DGLUCY: variants seen among roughly 807,000 people sequenced by gnomAD.
DGLUCY encodes the protein D-glutamate cyclase.
A neutral mutation model predicts 58.5 loss-of-function variants in DGLUCY; 58 were observed. The observed-to-expected ratio is 0.99, with a 90% CI of 0.80 to 1.23. The LOEUF (loss-of-function observed/expected upper bound fraction) is 1.23, where lower values mean the gene tolerates loss of function less well. Ranked by LOEUF, DGLUCY falls within the 50% of genes most tolerant of loss-of-function variation. The probability of loss-of-function intolerance (pLI) is 0.00; values close to 1 mark genes in which losing one functional copy is unlikely to be tolerated. For missense variants in DGLUCY, 779 were observed against 784.7 expected, an observed-to-expected ratio of 0.99 and a Z score of 0.09; for synonymous variants, 325 against 314.1, an observed-to-expected ratio of 1.03 and a Z score of -0.37.
chr14:91,160,925 G>T (rs533312307), intron 3 of DGLUCY, among the ~76,000 whole-genome samples: 27 of 152,316 alleles, frequency 1.8e-4, no homozygotes, highest in African/African-American at 5.8e-4. Flanking sequence ...GACTCGTCTG[G>T]TTATGGTATA....
At chr14:91,083,436 T>A (rs529598515) in intron 1 of DGLUCY, among the ~76,000 whole-genome samples, 1 of 150,466 alleles carries the variant, frequency 6.6e-6, no homozygotes, top group Admixed American at 6.7e-5. Flanking sequence ...GTGGGAGAAT[T>A]GCTGGAACCT....
chr14:91,102,022 G>A (rs1006642352), intron 1 of DGLUCY, among the ~76,000 whole-genome samples: 3 of 82,794 alleles, frequency 3.6e-5, no homozygotes, highest in African/African-American at 1.5e-4. Context: ...AGCCAGAAGA[G>A]AATAATTCAA....
rs1430871590 is a variant in DGLUCY at position 91,188,794 on chromosome 14, C to A, written c.935-116C>A. 5.7e-6 allele frequency: 7 copies of A among 1,222,368 alleles called. No individual in the cohort carries two copies. In the South Asian group the frequency reaches 6.4e-5, roughly 11 times the overall value. 75.7% of individuals were successfully genotyped at this position (1,222,368 alleles called of 1,614,324 possible). On this transcript the variant is annotated intron_variant, in intron 8 of 13. Transcript: ENST00000256324. ...CAGTGAGCTGTGATCACGCCACTGC[C>A]TTCCAGCCTGGATGACAGAGCAAAA...
At chr14:91,076,247 C>T (rs1323605663) in intron 1 of DGLUCY, among the ~76,000 whole-genome samples, 1 of 152,138 alleles carries the variant, frequency 6.6e-6, no homozygotes, top group Non-Finnish European at 1.5e-5. Flanking sequence ...CCCAAGGATA[C>T]TAATATCCAT....
At chr14:91,094,793 A>C (rs1002822863) in intron 1 of DGLUCY, among the ~76,000 whole-genome samples, 2 of 151,812 alleles carry the variant, frequency 1.3e-5, no homozygotes, top group Non-Finnish European at 2.9e-5. Flanking sequence ...ATTGCACCCT[A>C]GCCTGGGTGA....
At chr14:91,204,672 T>C in intron 11 of DGLUCY, 34 bp from the exon 12 acceptor site, 2 of 1,607,576 alleles carry the variant, frequency 1.2e-6, no homozygotes, top group Non-Finnish European at 1.7e-6. Context: ...TTTGCCCTGG[T>C]CCCGTGCACT....
At chr14:91,106,717 A>C (rs1161811170), upstream of DGLUCY, among the ~76,000 whole-genome samples, 4 of 151,812 alleles carry the variant, frequency 2.6e-5, no homozygotes, top group African/African-American at 9.7e-5. Context: ...AAAAAAAAAA[A>C]AAAACTCACT....
intron 5 of DGLUCY, among the ~76,000 whole-genome samples, chr14:91,170,950 G>GC (rs2140401713): frequency 6.6e-6 from 1 of 152,302 alleles, no homozygotes; most frequent in South Asian, 2.1e-4. Context: ...TGCCAGAGAG[G>GC]CCCCAGCTGC....
At chr14:91,174,339 T>C (rs185753501) in intron 6 of DGLUCY, among the ~76,000 whole-genome samples, 244 of 152,338 alleles carry the variant, frequency 1.6e-3, no homozygotes, top group African/African-American at 5.6e-3. Context: ...ACAGTTTCCC[T>C]CTGTCGCCCA....
chr14:91,171,336 G>T (rs1204534908), intron 5 of DGLUCY, among the ~76,000 whole-genome samples: 3 of 152,232 alleles, frequency 2.0e-5, no homozygotes, highest in African/African-American at 7.2e-5. Flanking sequence ...GCAACTGTTT[G>T]TTGCCTACAA....
intron 1 of DGLUCY, among the ~76,000 whole-genome samples, chr14:91,087,501 C>G (rs1043489109): frequency 6.6e-6 from 1 of 152,252 alleles, no homozygotes; most frequent in African/African-American, 2.4e-5. Context: ...TTAGCTCCTA[C>G]AATTTAGCTT....
intron 1 of DGLUCY, among the ~76,000 whole-genome samples, chr14:91,133,294 TCAACAACAA>T (rs748258195): frequency 1.3e-4 from 20 of 151,960 alleles, no homozygotes; most frequent in South Asian, 2.1e-4. Context: ...AGACTCCGTC[TCAACAACAA>T]CAACAACAAC....
Position 91,134,350 on chromosome 14 carries a change from T to A in DGLUCY, c.-82+20067T>A, listed in dbSNP as rs532894470. Reference sequence around the variant, plus strand: ...AAGTAAAGTTTTACCATATTTTCCATAAACGATTTCACATATTTTGTTAGA... The same window carrying A: ...AAGTAAAGTTTTACCATATTTTCCAAAAACGATTTCACATATTTTGTTAGA... On this transcript the variant is annotated intron_variant, in intron 1 of 13. Coordinates refer to ENST00000256324, the MANE Select transcript of DGLUCY (RefSeq NM_001102368.3). 3.3e-5 allele frequency among the ~76,000 whole-genome samples: 5 copies of A among 152,368 alleles called. No individual in the cohort carries two copies. In the East Asian group the frequency reaches 9.6e-4, roughly 29 times the overall value.
upstream of DGLUCY, among the ~76,000 whole-genome samples, chr14:91,109,560 A>G (rs1387033974): frequency 1.3e-5 from 2 of 152,144 alleles, no homozygotes; most frequent in East Asian, 3.8e-4. Context: ...CACGGAGGTA[A>G]TTCCCTGAGG....
chr14:91,167,708 A>G, intron 4 of DGLUCY: 5 of 700,310 alleles, frequency 7.1e-6, no homozygotes, highest in Non-Finnish European at 1.3e-5. Context: ...AATAAAAAAC[A>G]CTTGCATTAC....
chr14:91,116,010 A>G (rs982322521), intron 1 of DGLUCY, among the ~76,000 whole-genome samples: 5 of 152,306 alleles, frequency 3.3e-5, no homozygotes, highest in East Asian at 1.9e-4. Context: ...CTGGTTTGAT[A>G]ATAATGATTC....
At chr14:91,107,004 A>T (rs910732228), upstream of DGLUCY, among the ~76,000 whole-genome samples, 1 of 152,222 alleles carries the variant, frequency 6.6e-6, no homozygotes, top group Non-Finnish European at 1.5e-5. Flanking sequence ...GAGTGAATCA[A>T]GATTCTCTTG....
chr14:91,167,722 C>G (rs1180996899), intron 4 of DGLUCY: 1 of 696,302 alleles, frequency 1.4e-6, no homozygotes, highest in Non-Finnish European at 2.6e-6. Flanking sequence ...GCATTACCAA[C>G]ACCCAGAGAC....
At chr14:91,204,667 C>G (rs1884228330) in intron 11 of DGLUCY, 39 bp from the exon 12 acceptor site, 2 of 1,604,612 alleles carry the variant, frequency 1.2e-6, no homozygotes, top group East Asian at 4.5e-5. Context: ...CCCATTTTGC[C>G]CTGGTCCCGT....
Sources: allele counts gnomAD v4.1 joint callset (sites outside exome capture counted in the v4.1 genomes callset), GRCh38; gene constraint gnomAD v4.1.1; transcripts MANE v1.5; gene names NCBI Gene and HGNC (gene_info 2026-07-23, HGNC 2026-07-21).